Variants in SAXO1 observed in about 807,000 individuals in gnomAD.
The protein encoded by SAXO1 is stabilizer of axonemal microtubules 1.
SAXO1 carries 21 observed loss-of-function variants against 17.5 expected under a neutral mutation model. The observed-to-expected ratio is 1.20, with a 90% confidence interval of 0.85 to 1.72. The LOEUF (loss-of-function observed/expected upper bound fraction) is 1.72. Among genes scored for constraint, SAXO1 ranks in the 40% most tolerant of loss-of-function variants. SAXO1 has a pLI of 0.00. For synonymous variants in SAXO1, 274 were observed against 216.5 expected (o/e 1.27, Z -2.33); for missense variants, 843 against 596.0 (o/e 1.41, Z -4.32).
intron 1 of SAXO1, among the ~76,000 whole-genome samples, chr9:18,958,455 C>A (rs1245257557): frequency 6.6e-6 from 1 of 152,010 alleles, no homozygotes; most frequent in Non-Finnish European, 1.5e-5. Flanking sequence ...GAACTTCTGA[C>A]AAGGACTAAC....
At chr9:18,969,106 C>T (rs1225873855) in intron 1 of SAXO1, among the ~76,000 whole-genome samples, 1 of 151,940 alleles carries the variant, frequency 6.6e-6, no homozygotes, top group Non-Finnish European at 1.5e-5. Context: ...AATCCCTAAG[C>T]AGTGGGGCCT....
At chr9:18,991,500 G>A (rs1438310923) in intron 1 of SAXO1, among the ~76,000 whole-genome samples, 1 of 152,108 alleles carries the variant, frequency 6.6e-6, no homozygotes, top group Non-Finnish European at 1.5e-5. Context: ...CTCATTCATA[G>A]GTGGGAATTG....
At chr9:19,013,774 T>C (rs1834852130) in intron 1 of SAXO1, among the ~76,000 whole-genome samples, 1 of 152,116 alleles carries the variant, frequency 6.6e-6, no homozygotes, top group East Asian at 1.9e-4. Context: ...CTTGAACTCC[T>C]GACCTCAGGT....
chr9:19,033,451 G>A (rs1588569715), upstream of SAXO1, among the ~76,000 whole-genome samples: 1 of 152,244 alleles, frequency 6.6e-6, no homozygotes, highest in Non-Finnish European at 1.5e-5. Context: ...CAGAAAAGCT[G>A]AAAACTCCCT....
At chr9:18,949,073 C>G (rs1373094258) in intron 2 of SAXO1, among the ~76,000 whole-genome samples, 3 of 152,130 alleles carry the variant, frequency 2.0e-5, no homozygotes, top group Admixed American at 6.5e-5. Flanking sequence ...GGTCTTTAGA[C>G]TCTCAGAGAC....
chr9:18,997,107 C>T (rs1024564591), intron 1 of SAXO1, among the ~76,000 whole-genome samples: 4 of 152,134 alleles, frequency 2.6e-5, no homozygotes, highest in South Asian at 2.1e-4. Flanking sequence ...CAGTGGGTGC[C>T]GCCCACAGAG....
intron 1 of SAXO1, chr9:19,026,969 C>A: frequency 1.1e-6 from 1 of 905,662 alleles, no homozygotes; most frequent in Admixed American, 1.7e-5. Flanking sequence ...AGGAGATCAT[C>A]CAGCGCACAT....
At chr9:18,949,023 AC>A (rs1831916068) in intron 2 of SAXO1, among the ~76,000 whole-genome samples, 1 of 152,180 alleles carries the variant, frequency 6.6e-6, no homozygotes. Context: ...GTTTCCTAAA[AC>A]AAAAGCAATG....
At chr9:18,958,433 A>G (rs1011338641) in intron 1 of SAXO1, among the ~76,000 whole-genome samples, 5 of 152,168 alleles carry the variant, frequency 3.3e-5, no homozygotes, top group African/African-American at 1.2e-4. Flanking sequence ...GAGAAAATAA[A>G]TAAGTAAACC....
intron 1 of SAXO1, among the ~76,000 whole-genome samples, chr9:18,985,634 G>A (rs565064401): frequency 2.5e-4 from 38 of 152,274 alleles, no homozygotes; most frequent in African/African-American, 7.7e-4. Context: ...AGCACCTCAC[G>A]ATGGAGCCCA....
At chr9:18,942,206 A>C (rs73648809) in intron 2 of SAXO1, among the ~76,000 whole-genome samples, 15,400 of 151,946 alleles carry the variant, frequency 0.1, 1,243 homozygotes, top group African/African-American at 0.23. Flanking sequence ...CTATTCAATC[A>C]CCATAATGTG....
chr9:19,040,436 A>G (rs1003288311), intron 1 of SAXO1, among the ~76,000 whole-genome samples: 4 of 152,166 alleles, frequency 2.6e-5, no homozygotes, highest in African/African-American at 9.7e-5. Flanking sequence ...TGAGGCCAGG[A>G]GTTCGAGACC....
At chr9:18,961,067 CAAAAG>C (rs961370670) in intron 1 of SAXO1, among the ~76,000 whole-genome samples, 9 of 151,034 alleles carry the variant, frequency 6.0e-5, no homozygotes, top group Admixed American at 1.3e-4. Flanking sequence ...AAGTTTCTTG[CAAAAG>C]AAAAAAGAAC....
At chr9:19,000,982 A>C (rs1834242206) in intron 1 of SAXO1, among the ~76,000 whole-genome samples, 1 of 152,202 alleles carries the variant, frequency 6.6e-6, no homozygotes, top group African/African-American at 2.4e-5. Context: ...CCCACACAAT[A>C]ATAATGGAAG....
intron 2 of SAXO1, 133 bp downstream of exon 2, chr9:18,950,625 C>T: frequency 1.4e-6 from 1 of 739,236 alleles, no homozygotes; most frequent in Non-Finnish European, 2.1e-6. Context: ...TACATTAAGG[C>T]ATTAATATCA....
upstream of SAXO1, among the ~76,000 whole-genome samples, chr9:19,036,902 G>A (rs1379862212): frequency 6.6e-6 from 1 of 152,186 alleles, no homozygotes; most frequent in Non-Finnish European, 1.5e-5. Context: ...GACACTCATT[G>A]CCAGCCCATG....
intron 1 of SAXO1, among the ~76,000 whole-genome samples, chr9:18,973,094 G>C (rs537282819): frequency 6.6e-6 from 1 of 152,366 alleles, no homozygotes; most frequent in Admixed American, 6.5e-5. Flanking sequence ...AAATAGGCAA[G>C]AGAAATCAGG....
At chr9:18,978,928 A>G (rs534046314) in intron 1 of SAXO1, among the ~76,000 whole-genome samples, 7 of 152,318 alleles carry the variant, frequency 4.6e-5, no homozygotes, top group African/African-American at 1.7e-4. Context: ...AGTTTACTCC[A>G]GTTGAAAAAT....
At chr9:18,969,162 C>T (rs991747580) in intron 1 of SAXO1, among the ~76,000 whole-genome samples, 4 of 152,248 alleles carry the variant, frequency 2.6e-5, no homozygotes, top group African/African-American at 9.6e-5. Flanking sequence ...TTCCTTGAGG[C>T]TAATAGGCTT....
Sources: allele counts gnomAD v4.1 joint callset (sites outside exome capture counted in the v4.1 genomes callset), GRCh38; gene constraint gnomAD v4.1.1; transcripts MANE v1.5; gene names NCBI Gene and HGNC (gene_info 2026-07-23, HGNC 2026-07-21).